The following UTRN variants were observed in gnomAD, a reference collection of about 807,000 sequenced individuals.
The protein encoded by UTRN is utrophin.
A neutral mutation model predicts 463.9 loss-of-function variants in UTRN; 283 were observed. The ratio of observed to expected loss-of-function variants is 0.61; its 90% confidence interval spans 0.55 to 0.67. The LOEUF (loss-of-function observed/expected upper bound fraction) is 0.67, where lower values mean the gene tolerates loss of function less well. Among genes scored for constraint, UTRN ranks in the 30% least tolerant of loss-of-function variants. The pLI, the probability that UTRN is intolerant of heterozygous loss-of-function variation, is 0.00. For synonymous variants in UTRN, 1,442 were observed against 1,431.5 expected (o/e 1.01, Z -0.17); for missense variants, 3,922 against 4,084.3 (o/e 0.96, Z 1.08).
At chr6:144,805,979 CA>C (rs1291783003) in intron 65 of UTRN, among the ~76,000 whole-genome samples, 1 of 151,992 alleles carries the variant, frequency 6.6e-6, no homozygotes, top group East Asian at 1.9e-4. Context: ...GGGAAAATAT[CA>C]TAGTAATATT....
intron 57 of UTRN, among the ~76,000 whole-genome samples, chr6:144,755,420 A>C (rs929348447): frequency 4.6e-5 from 7 of 152,196 alleles, no homozygotes; most frequent in African/African-American, 1.7e-4. Context: ...ATCATTCACT[A>C]GTGAAGATAC....
chr6:144,435,537 G>C (rs948902783), intron 9 of UTRN, among the ~76,000 whole-genome samples: 3 of 152,166 alleles, frequency 2.0e-5, no homozygotes, highest in African/African-American at 7.2e-5. Flanking sequence ...TACAGAAAAG[G>C]CCTAACACGT....
At chr6:144,400,025 TTTC>T (rs1310134226) in intron 2 of UTRN, among the ~76,000 whole-genome samples, 2 of 152,180 alleles carry the variant, frequency 1.3e-5, no homozygotes, top group South Asian at 2.1e-4. Flanking sequence ...TTAACACATT[TTTC>T]TTCTTCTAAT....
chr6:144,633,933 A>G (rs1300207404), intron 51 of UTRN, among the ~76,000 whole-genome samples: 1 of 152,238 alleles, frequency 6.6e-6, no homozygotes, highest in African/African-American at 2.4e-5. Flanking sequence ...CCTATGAGCT[A>G]GAAGGTTTTT....
Position 144,600,050 on chromosome 6 carries a change from T to G in UTRN, c.7479+22762T>G, listed in dbSNP as rs144672814. Among the ~76,000 whole-genome samples the G allele has an allele frequency of 3.5e-3, 539 of 152,316 alleles. 4 individuals carry two copies. The highest frequency in any genetic ancestry group is 0.012 in the African/African-American group (512 of 41,564). ...TACTATTGTAATTGTTTTGGGCACC[T>G]CAAGCCACACCCATATAAGATGCTG... On this transcript the variant is annotated intron_variant, in intron 51 of 74. Transcript: ENST00000367545.
At chr6:144,413,427 G>A (rs1162248259) in intron 3 of UTRN, among the ~76,000 whole-genome samples, 1 of 152,178 alleles carries the variant, frequency 6.6e-6, no homozygotes, top group Non-Finnish European at 1.5e-5. Flanking sequence ...AAGCAAAGGA[G>A]GAGCAAAGTC....
chr6:144,520,994 C>CT (rs1796036715), intron 39 of UTRN, among the ~76,000 whole-genome samples: 1 of 152,122 alleles, frequency 6.6e-6, no homozygotes, highest in Admixed American at 6.5e-5. Flanking sequence ...TTAGAAAGCT[C>CT]TGAGAAGAGG....
intron 54 of UTRN, among the ~76,000 whole-genome samples, chr6:144,738,723 G>A (rs1381018281): frequency 6.6e-6 from 1 of 152,188 alleles, no homozygotes; most frequent in Non-Finnish European, 1.5e-5. Context: ...GATTAAAAAA[G>A]AGATTGCATT....
chr6:144,850,163 T>C lies in UTRN; in HGVS notation c.10294-826T>C, dbSNP rs111834598. 3.3e-5 allele frequency among the ~76,000 whole-genome samples: 5 copies of C among 152,322 alleles called. 1 individual carries two copies. Among genetic ancestry groups the C allele is most frequent in the African/African-American group, 1.2e-4 (5 of 41,570 alleles). ...TCCAAATTTGAATAGTCATGGAGAATGGGCTCTAGGCCAGAGTCAAATGAG... is the reference window on the plus strand; with the variant it reads ...TCCAAATTTGAATAGTCATGGAGAACGGGCTCTAGGCCAGAGTCAAATGAG... On this transcript the variant is annotated intron_variant, in intron 74 of 74. Transcript: ENST00000367545.
chr6:144,290,492 G>T (rs1804123908), intron 1 of UTRN, among the ~76,000 whole-genome samples: 1 of 151,080 alleles, frequency 6.6e-6, no homozygotes, highest in South Asian at 2.1e-4. Flanking sequence ...TTGTGTAGAT[G>T]ATGTGGTGAT....
At chr6:144,403,069 C>G in intron 2 of UTRN, 54 bp from the exon 3 acceptor site, 1 of 1,514,380 alleles carries the variant, frequency 6.6e-7, no homozygotes. Flanking sequence ...TGGTGCTTTA[C>G]TAAAGGTACA....
rs553119344 is a variant in UTRN at position 144,742,813 on chromosome 6, A to G, written c.7940-5433A>G. Among the ~76,000 whole-genome samples, 21 of 152,316 alleles carry G rather than the reference A, an allele frequency of 1.4e-4. No homozygotes were observed. The East Asian group carries it at 4.0e-3, about 29-fold the overall frequency. On this transcript the variant is annotated intron_variant, in intron 54 of 74. Coordinates refer to ENST00000367545, the MANE Select transcript of UTRN (RefSeq NM_007124.3). ...ATCTTTTCTTCTACCAAATTGTCCA[A>G]CAGTAAAAATGCCAGTTGTGAATTT... is the stretch of plus-strand genomic sequence containing the variant.
intron 49 of UTRN, among the ~76,000 whole-genome samples, chr6:144,556,231 G>A (rs1488364650): frequency 6.6e-6 from 1 of 152,164 alleles, no homozygotes; most frequent in African/African-American, 2.4e-5. Context: ...CGAAAATGTG[G>A]AAGTATGTTT....
At chr6:144,499,859 C>T (rs973256392) in intron 34 of UTRN, among the ~76,000 whole-genome samples, 16 of 152,136 alleles carry the variant, frequency 1.1e-4, no homozygotes, top group Non-Finnish European at 1.6e-4. Flanking sequence ...TAAGCGAGAA[C>T]GTGGTAATTG....
At chr6:144,657,601 G>C (rs1053154369) in intron 51 of UTRN, among the ~76,000 whole-genome samples, 5 of 152,128 alleles carry the variant, frequency 3.3e-5, no homozygotes, top group Admixed American at 3.3e-4. Flanking sequence ...TTAACCTTGG[G>C]TGTGGATACA....
intron 53 of UTRN, among the ~76,000 whole-genome samples, chr6:144,701,463 C>T (rs1441710316): frequency 6.6e-6 from 1 of 152,144 alleles, no homozygotes; most frequent in African/African-American, 2.4e-5. Context: ...TACTTTTACT[C>T]TGATCAGCCA....
intron 68 of UTRN, among the ~76,000 whole-genome samples, chr6:144,828,333 G>T (rs1780367876): frequency 6.6e-6 from 1 of 152,156 alleles, no homozygotes; most frequent in African/African-American, 2.4e-5. Flanking sequence ...AGGGGAAAGA[G>T]AAATAGATGA....
At chr6:144,358,388 T>C (rs567281096) in intron 2 of UTRN, among the ~76,000 whole-genome samples, 1 of 152,356 alleles carries the variant, frequency 6.6e-6, no homozygotes, top group African/African-American at 2.4e-5. Context: ...TTTAGCTGAA[T>C]TGAAATTTGA....
chr6:144,803,826 A>G (rs1019809880), intron 65 of UTRN, among the ~76,000 whole-genome samples: 1 of 152,122 alleles, frequency 6.6e-6, no homozygotes, highest in African/African-American at 2.4e-5. Context: ...CTACATTGCA[A>G]TAGAATAAAG....
Sources: gnomAD v4.1 joint callset for allele counts (sites outside exome capture counted in the v4.1 genomes callset) on GRCh38, gnomAD v4.1.1 for gene constraint, MANE v1.5 for transcripts, NCBI Gene and HGNC (gene_info 2026-07-23, HGNC 2026-07-21) for gene names.